ROBO1: variants seen among roughly 807,000 people sequenced by gnomAD.
ROBO1 encodes roundabout homolog 1.
A neutral mutation model predicts 195.9 loss-of-function variants in ROBO1; 149 were observed. The observed-to-expected ratio is 0.76, with a 90% CI of 0.67 to 0.87. The LOEUF is 0.87. Among genes scored for constraint, ROBO1 ranks in the 40% least tolerant of loss-of-function variants. ROBO1 has a pLI of 0.00. For synonymous variants in ROBO1, 816 were observed against 733.2 expected, an observed-to-expected ratio of 1.11 and a Z score of -1.82; for missense variants, 1,933 against 2,068.3, an observed-to-expected ratio of 0.93 and a Z score of 1.27.
At chr3:78,623,479 G>A (rs577404857) in intron 26 of ROBO1, among the ~76,000 whole-genome samples, 7 of 152,208 alleles carry the variant, frequency 4.6e-5, no homozygotes, top group African/African-American at 1.7e-4. Context: ...AGGATGGTAG[G>A]GCACACAGGG....
intron 2 of ROBO1, among the ~76,000 whole-genome samples, chr3:79,251,313 T>A (rs144989467): frequency 6.6e-6 from 1 of 152,300 alleles, no homozygotes; most frequent in African/African-American, 2.4e-5. Flanking sequence ...CTTATTTGCT[T>A]GCATGCAGAA....
At chr3:79,744,740 C>T (rs1703796253) in intron 1 of ROBO1, among the ~76,000 whole-genome samples, 1 of 152,044 alleles carries the variant, frequency 6.6e-6, no homozygotes, top group African/African-American at 2.4e-5. Context: ...CTTATACTCC[C>T]CATTTTCACA....
chr3:78,697,810 G>T (rs1248168078), intron 8 of ROBO1, among the ~76,000 whole-genome samples: 4 of 152,030 alleles, frequency 2.6e-5, no homozygotes, highest in Non-Finnish European at 5.9e-5. Flanking sequence ...CAGTATTTGG[G>T]TCTAAAATAA....
chr3:79,472,059 G>GCAGAAC (rs1938308519), intron 2 of ROBO1, among the ~76,000 whole-genome samples: 10 of 152,010 alleles, frequency 6.6e-5, no homozygotes, highest in Admixed American at 5.3e-4. Flanking sequence ...TGTCCTGCAT[G>GCAGAAC]TGTACCCCAG....
At chr3:79,247,223 C>T (rs996834850) in intron 2 of ROBO1, among the ~76,000 whole-genome samples, 1 of 147,380 alleles carries the variant, frequency 6.8e-6, no homozygotes, top group Non-Finnish European at 1.5e-5. Context: ...GTGATTTCTT[C>T]GTTTCTCTCT....
At chr3:78,643,227 C>A (rs1257442972) in intron 21 of ROBO1, among the ~76,000 whole-genome samples, 1 of 152,102 alleles carries the variant, frequency 6.6e-6, no homozygotes, top group African/African-American at 2.4e-5. Context: ...CTCAACTCTG[C>A]CAATGTGGCT....
intron 2 of ROBO1, among the ~76,000 whole-genome samples, chr3:79,182,196 C>T (rs1306071785): frequency 6.6e-6 from 1 of 152,110 alleles, no homozygotes; most frequent in Non-Finnish European, 1.5e-5. Flanking sequence ...GAATTGTAGA[C>T]AAATTGCTCT....
intron 10 of ROBO1, among the ~76,000 whole-genome samples, chr3:78,680,805 C>A (rs1248243710): frequency 6.7e-6 from 1 of 148,172 alleles, no homozygotes; most frequent in African/African-American, 2.5e-5. Context: ...ACTAGAAATA[C>A]CATTTGACCC....
At chr3:79,275,887 C>CA (rs34445372) in intron 2 of ROBO1, among the ~76,000 whole-genome samples, 31,802 of 149,818 alleles carry the variant, frequency 0.21, 4,112 homozygotes, top group South Asian at 0.3. Flanking sequence ...ACAACAGCTA[C>CA]AAAAAAAAAT....
intron 4 of ROBO1, among the ~76,000 whole-genome samples, chr3:78,928,351 G>A (rs935474649): frequency 1.4e-4 from 21 of 152,128 alleles, no homozygotes; most frequent in African/African-American, 5.1e-4. Flanking sequence ...AGAACTCTGA[G>A]GGAGGCTTTA....
chr3:78,894,666 G>C (rs1210891585), intron 4 of ROBO1, among the ~76,000 whole-genome samples: 1 of 152,166 alleles, frequency 6.6e-6, no homozygotes, highest in Non-Finnish European at 1.5e-5. Context: ...AAATAATACA[G>C]CAGAAACAAA....
intron 2 of ROBO1, among the ~76,000 whole-genome samples, chr3:79,543,481 G>C (rs1478824505): frequency 6.6e-6 from 1 of 152,006 alleles, no homozygotes; most frequent in African/African-American, 2.4e-5. Context: ...TCACTAGAGA[G>C]CCCAGTGGAA....
intron 2 of ROBO1, among the ~76,000 whole-genome samples, chr3:79,361,388 A>T (rs1465896298): frequency 1.3e-5 from 2 of 152,062 alleles, no homozygotes; most frequent in African/African-American, 4.8e-5. Flanking sequence ...ATAGGTAGCA[A>T]AAGGAGAAAA....
chr3:79,099,367 C>G (rs2079632258), intron 3 of ROBO1, among the ~76,000 whole-genome samples: 1 of 151,598 alleles, frequency 6.6e-6, no homozygotes, highest in South Asian at 2.1e-4. Flanking sequence ...GATAAATTAA[C>G]AATTACTTGA....
At chr3:78,616,386 T>C (rs115906610) in intron 27 of ROBO1, among the ~76,000 whole-genome samples, 1,668 of 152,262 alleles carry the variant, frequency 0.011, 33 homozygotes, top group African/African-American at 0.038. Flanking sequence ...AAAACCATAT[T>C]TGATTGAATG....
At chr3:79,709,212 C>T (rs1281034333) in intron 1 of ROBO1, among the ~76,000 whole-genome samples, 2 of 152,162 alleles carry the variant, frequency 1.3e-5, no homozygotes, top group African/African-American at 4.8e-5. Flanking sequence ...ATGTATCCTA[C>T]ATAATCTCAT....
chr3:79,147,509 T>C (rs1343129682), intron 2 of ROBO1, among the ~76,000 whole-genome samples: 1 of 151,984 alleles, frequency 6.6e-6, no homozygotes, highest in African/African-American at 2.4e-5. Context: ...AAGCTGAAAT[T>C]AGTTGCTTAG....
intron 2 of ROBO1, among the ~76,000 whole-genome samples, chr3:79,304,357 A>T (rs983067679): frequency 1.3e-5 from 2 of 152,220 alleles, no homozygotes; most frequent in African/African-American, 4.8e-5. Context: ...AGTTAAAAAA[A>T]ATACTATATT....
chr3:78,608,916 G>GT (rs1484951539), intron 28 of ROBO1, among the ~76,000 whole-genome samples: 1 of 152,120 alleles, frequency 6.6e-6, no homozygotes, highest in Non-Finnish European at 1.5e-5. Context: ...AAGGAAGACT[G>GT]TAAGTTCAGT....
Sources: gnomAD v4.1 joint callset for allele counts (sites outside exome capture counted in the v4.1 genomes callset) on GRCh38, gnomAD v4.1.1 for gene constraint, MANE v1.5 for transcripts, NCBI Gene and HGNC (gene_info 2026-07-23, HGNC 2026-07-21) for gene names.